Variants in COG5 observed in about 807,000 individuals in gnomAD.
The protein encoded by COG5 is conserved oligomeric Golgi complex subunit 5.
Under a neutral mutation model 110.4 loss-of-function variants are expected in COG5, and 86 were observed. That is an observed-to-expected ratio of 0.78 (90% CI 0.65 to 0.93). COG5 has a LOEUF of 0.93. Among genes scored for constraint, COG5 ranks in the 40% least tolerant of loss-of-function variants. The pLI is 0.00. For synonymous variants in COG5, 360 were observed against 334.6 expected (o/e 1.08, Z -0.83); for missense variants, 1,077 against 987.0 (o/e 1.09, Z -1.22).
chr7:107,508,525 G>A (rs372747234), intron 6 of COG5, among the ~76,000 whole-genome samples: 3 of 152,336 alleles, frequency 2.0e-5, no homozygotes, highest in South Asian at 4.1e-4. Flanking sequence ...CAGCTTTGAA[G>A]AGAGTAGTGG....
chr7:107,406,257 A>C (rs1430651345), intron 7 of COG5, among the ~76,000 whole-genome samples: 1 of 151,952 alleles, frequency 6.6e-6, no homozygotes, highest in Non-Finnish European at 1.5e-5. Context: ...TAGTTCCCTG[A>C]CTCCTATTTT....
intron 6 of COG5, among the ~76,000 whole-genome samples, chr7:107,507,772 T>C (rs1799139662): frequency 6.6e-6 from 1 of 152,150 alleles, no homozygotes; most frequent in South Asian, 2.1e-4. Context: ...TATTGTTTTA[T>C]CAGATTAAGA....
intron 12 of COG5, among the ~76,000 whole-genome samples, chr7:107,287,015 C>G (rs74817899): frequency 0.014 from 2,163 of 152,242 alleles, 60 homozygotes; most frequent in African/African-American, 0.047. Flanking sequence ...ATACGAGAAG[C>G]AGGATTGCTA....
In COG5 at chr7:107,479,636, C is replaced by T. The variant is rs148786277; in HGVS notation, c.538+47601G>A. On this transcript the variant is annotated intron_variant, in intron 6 of 21. Transcript: ENST00000297135. ...GGAAGACCATAAGAAACAGATTACC[C>T]GCAATACTCAAATAACTATTTAATT... 4.4e-3 allele frequency among the ~76,000 whole-genome samples: 664 copies of T among 152,062 alleles called. 9 individuals are homozygous for T. The highest frequency in any genetic ancestry group is 0.014 in the African/African-American group (576 of 41,488).
At chr7:107,282,607 C>A (rs558537729) in intron 13 of COG5, among the ~76,000 whole-genome samples, 4 of 152,096 alleles carry the variant, frequency 2.6e-5, no homozygotes, top group African/African-American at 9.7e-5. Flanking sequence ...CTGCAGCCTT[C>A]GCCTCCCGGA....
At chr7:107,286,173 G>C (rs370036657) in intron 12 of COG5, among the ~76,000 whole-genome samples, 3 of 152,254 alleles carry the variant, frequency 2.0e-5, no homozygotes, top group South Asian at 2.1e-4. Context: ...GCCCTGAGGA[G>C]AGACCATACC....
intron 6 of COG5, among the ~76,000 whole-genome samples, chr7:107,512,549 T>G (rs1223026310): frequency 6.6e-6 from 1 of 152,196 alleles, no homozygotes; most frequent in African/African-American, 2.4e-5. Context: ...AAAACTACTT[T>G]AAACTTCATA....
At chr7:107,277,135 C>T (rs527244528) in intron 14 of COG5, among the ~76,000 whole-genome samples, 5 of 152,128 alleles carry the variant, frequency 3.3e-5, no homozygotes, top group South Asian at 4.1e-4. Context: ...ATATTATGCA[C>T]GTATTAACAT....
intron 14 of COG5, among the ~76,000 whole-genome samples, chr7:107,274,818 T>C (rs1235715712): frequency 6.6e-6 from 1 of 152,198 alleles, no homozygotes; most frequent in East Asian, 1.9e-4. Flanking sequence ...TACCTTCTCT[T>C]GAAAATATTG....
intron 16 of COG5, among the ~76,000 whole-genome samples, chr7:107,248,750 G>A (rs1447444622): frequency 2.0e-5 from 3 of 152,076 alleles, no homozygotes; most frequent in African/African-American, 7.2e-5. Context: ...AGGTTCAGTG[G>A]TTAAATAAGC....
rs186670360 is a variant in COG5, at chr7:107,452,438, T to C, written c.539-39806A>G. 3.2e-3 allele frequency among the ~76,000 whole-genome samples: 481 copies of C among 152,270 alleles called. 4 individuals carry two copies. The highest frequency in any genetic ancestry group is 0.011 in the African/African-American group (473 of 41,552). ...CACCTTGAATTGTAACTCCCACAGT[T>C]CCCACCTGTCATGAAAGGAACCCGG... is the stretch of plus-strand genomic sequence containing the variant. On this transcript the variant is annotated intron_variant, in intron 6 of 21. Transcript: ENST00000297135.
At chr7:107,438,445 T>TTATA (rs953724506) in intron 6 of COG5, among the ~76,000 whole-genome samples, 22 of 152,366 alleles carry the variant, frequency 1.4e-4, no homozygotes, top group African/African-American at 5.3e-4. Context: ...TGTCAAAACG[T>TTATA]TATATAAGCC....
chr7:107,409,321 C>T (rs149797002), intron 7 of COG5, among the ~76,000 whole-genome samples: 209 of 148,412 alleles, frequency 1.4e-3, no homozygotes, highest in African/African-American at 4.9e-3. Context: ...TTACCAATAT[C>T]AAAAATTTGA....
intron 1 of COG5, among the ~76,000 whole-genome samples, chr7:107,561,761 G>A (rs945414875): frequency 6.6e-6 from 1 of 152,176 alleles, no homozygotes; most frequent in Non-Finnish European, 1.5e-5. Context: ...CAGATCACGA[G>A]GTCAGGAGAT....
At chr7:107,510,253 C>G (rs1478225841) in intron 6 of COG5, among the ~76,000 whole-genome samples, 2 of 151,986 alleles carry the variant, frequency 1.3e-5, no homozygotes, top group African/African-American at 4.8e-5. Flanking sequence ...CAATCCTAGT[C>G]TCTGATAAAA....
intron 7 of COG5, among the ~76,000 whole-genome samples, chr7:107,398,720 T>A (rs1166969366): frequency 6.6e-6 from 1 of 152,230 alleles, no homozygotes; most frequent in Non-Finnish European, 1.5e-5. Flanking sequence ...ACCTGTCATA[T>A]GACTGTATTT....
chr7:107,506,813 T>C (rs1799048970), intron 6 of COG5, among the ~76,000 whole-genome samples: 3 of 152,228 alleles, frequency 2.0e-5, no homozygotes. Context: ...ACAGGACACT[T>C]GCCACTCACC....
At chr7:107,480,008 G>A (rs10251808) in intron 6 of COG5, among the ~76,000 whole-genome samples, 40,445 of 151,790 alleles carry the variant, frequency 0.27, 5,508 homozygotes, top group East Asian at 0.33. Flanking sequence ...TAAACATATC[G>A]TCCTCATTCT....
In COG5 at chr7:107,474,903, C is replaced by G. The variant is rs940474978; in HGVS notation, c.538+52334G>C. On this transcript the variant is annotated intron_variant, in intron 6 of 21. Coordinates refer to ENST00000297135, the MANE Select transcript of COG5 (RefSeq NM_006348.5). The surrounding 1 kb of genome is among the most constrained non-coding windows in gnomAD (Gnocchi z 5.7). ...AAAGCAGTGGTGGGAGAAATGTAGT[C>G]TTTGGTGTAAGAACTTCAGTTTCTG... 1 of 1,613,110 alleles carries G rather than the reference C, an allele frequency of 6.2e-7. No homozygotes were observed. The highest frequency in any genetic ancestry group is 8.5e-7 in the Non-Finnish European group (1 of 1,179,456).
Sources: allele counts gnomAD v4.1 joint callset (sites outside exome capture counted in the v4.1 genomes callset), GRCh38; gene constraint gnomAD v4.1.1; non-coding constraint Gnocchi (gnomAD v3.1); transcripts MANE v1.5; gene names NCBI Gene and HGNC (gene_info 2026-07-23, HGNC 2026-07-21).